Variants in DST observed in about 807,000 individuals in gnomAD.
DST encodes dystonin.
DST carries 253 observed loss-of-function variants against 875.2 expected under a neutral mutation model. The ratio of observed to expected loss-of-function variants is 0.29; its 90% confidence interval spans 0.26 to 0.32. DST has a LOEUF of 0.32. Ranked by LOEUF, DST falls within the 10% of genes least tolerant of loss-of-function variation. DST has a pLI of 1.00. For synonymous variants in DST, 3,124 were observed against 3,197.1 expected (o/e 0.98, Z 0.77); for missense variants, 8,287 against 9,111.6 (o/e 0.91, Z 3.68).
chr6:56,701,144 C>T (rs912128574), intron 8 of DST, among the ~76,000 whole-genome samples: 1 of 151,794 alleles, frequency 6.6e-6, no homozygotes, highest in African/African-American at 2.4e-5. Context: ...CACACCCAGC[C>T]TCTTCCTTTT....
intron 2 of DST, among the ~76,000 whole-genome samples, chr6:56,939,552 A>C (rs1488544157): frequency 6.6e-6 from 1 of 152,240 alleles, no homozygotes; most frequent in Non-Finnish European, 1.5e-5. Context: ...TAAATCGATA[A>C]GAAAAATTAC....
rs1035684871 is a variant in DST at position 56,552,635 on chromosome 6, T to C, written c.16157A>G (p.His5386Arg). The C allele has an allele frequency of 6.2e-7, 1 of 1,613,978 alleles. No individual in the cohort carries two copies. The highest frequency in any genetic ancestry group is 2.2e-5 in the East Asian group (1 of 44,884). ...CATTTCTCGAATGGTATTCTGGAAA[T>C]GCCCAATGCCCTGAAGCTTGGTTTC... is the stretch of plus-strand genomic sequence containing the variant. ...FLETKLQGIG[H>R]FQNTIREMFS... The change falls in exon 61 of 104, where the codon CAT becomes CGT. Residue 5386 changes from histidine to arginine, a missense_variant. Physicochemically the swap from His to Arg is conservative, Grantham distance 29. This residue lies in a region of DST where 1,513 missense variants were observed against 1,677.8 expected (regional missense o/e 0.90). Coordinates refer to ENST00000680361, the MANE Select transcript of DST (RefSeq NM_001374736.1).
chr6:56,851,827 C>T (rs535047263), intron 3 of DST: 1 of 1,551,680 alleles, frequency 6.4e-7, no homozygotes, highest in Non-Finnish European at 8.7e-7. Context: ...AAAAACAATA[C>T]ACAGGCAGTT....
intron 10 of DST, among the ~76,000 whole-genome samples, chr6:56,656,933 CA>C (rs758240158): frequency 5.9e-5 from 9 of 151,894 alleles, no homozygotes; most frequent in Non-Finnish European, 1.3e-4. Context: ...AGATTATTAC[CA>C]AAACAGAACT....
At chr6:56,732,259 C>A (rs1446638789) in intron 5 of DST, among the ~76,000 whole-genome samples, 2 of 151,946 alleles carry the variant, frequency 1.3e-5, no homozygotes, top group Non-Finnish European at 2.9e-5. Flanking sequence ...TGGTTAAAAG[C>A]AATTTGATCA....
intron 4 of DST, among the ~76,000 whole-genome samples, chr6:56,828,449 C>G (rs2153057206): frequency 6.6e-6 from 1 of 152,344 alleles, no homozygotes; most frequent in African/African-American, 2.4e-5. Flanking sequence ...CAGCATTCCT[C>G]TTATTGCATG....
intron 49 of DST, among the ~76,000 whole-genome samples, chr6:56,586,657 C>T (rs1585733777): frequency 6.6e-6 from 1 of 152,066 alleles, no homozygotes; most frequent in Non-Finnish European, 1.5e-5. Flanking sequence ...TGGGAGGCAC[C>T]CCCCAGTAGG....
intron 9 of DST, among the ~76,000 whole-genome samples, chr6:56,695,755 T>G (rs1156982315): frequency 6.6e-6 from 1 of 152,222 alleles, no homozygotes; most frequent in Non-Finnish European, 1.5e-5. Flanking sequence ...ATGATAATGC[T>G]TACCTTCAGA....
Position 56,796,102 on chromosome 6 carries a change from C to A in DST, c.625+55295G>T, listed in dbSNP as rs145741702. On this transcript the variant is annotated intron_variant, in intron 4 of 103. Transcript: ENST00000680361. ...AGGGATACGGGGCAACCATACAGAACGAAACAGAACAGCTCACAAGGTTCT... is the reference window on the plus strand; with the variant it reads ...AGGGATACGGGGCAACCATACAGAAAGAAACAGAACAGCTCACAAGGTTCT... Among the ~76,000 whole-genome samples, 31 of 152,202 alleles carry A rather than the reference C, an allele frequency of 2.0e-4. No homozygotes were observed. The South Asian group carries it at 6.2e-3, about 31-fold the overall frequency.
intron 4 of DST, among the ~76,000 whole-genome samples, chr6:56,777,503 G>C (rs2099681483): frequency 6.6e-6 from 1 of 152,016 alleles, no homozygotes. Context: ...CAGCATGATG[G>C]AACAGGCTAA....
At chr6:56,872,524 A>C (rs1415227766) in intron 3 of DST, among the ~76,000 whole-genome samples, 1 of 152,150 alleles carries the variant, frequency 6.6e-6, no homozygotes, top group Non-Finnish European at 1.5e-5. Flanking sequence ...TCCACCTCTA[A>C]GAAAACAAAT....
At chr6:56,908,098 T>TATATATATATATATATACACACAC (rs148958146) in intron 2 of DST, among the ~76,000 whole-genome samples, 13 of 150,614 alleles carry the variant, frequency 8.6e-5, no homozygotes, top group African/African-American at 3.2e-4. Flanking sequence ...TATATATATA[T>TATATATATATATATATACACACAC]ACACACACAC....
intron 2 of DST, among the ~76,000 whole-genome samples, chr6:56,927,948 AAGATCATG>A (rs1808061655): frequency 6.6e-6 from 1 of 152,148 alleles, no homozygotes; most frequent in African/African-American, 2.4e-5. Flanking sequence ...ATTAAGTTAC[AAGATCATG>A]GGAGCTCAAA....
intron 4 of DST, among the ~76,000 whole-genome samples, chr6:56,755,972 G>A (rs1210066213): frequency 2.0e-5 from 3 of 152,156 alleles, no homozygotes; most frequent in Admixed American, 6.5e-5. Flanking sequence ...GAAAAGACAC[G>A]CCACTTCCAG....
chr6:56,842,947 AC>A (rs986881081), intron 4 of DST: 276 of 1,074,974 alleles, frequency 2.6e-4, no homozygotes, highest in Non-Finnish European at 3.2e-4. Context: ...ACTGGTCCAG[AC>A]ACCTGTTTAC....
At chr6:56,476,416 T>A in intron 91 of DST, 79 bp from the exon 92 acceptor site, 1 of 1,264,294 alleles carries the variant, frequency 7.9e-7, no homozygotes, top group Non-Finnish European at 1.1e-6. Context: ...AAATAAATTT[T>A]AAATGAAAAT....
chr6:56,568,313 C>T (rs1055443594), intron 55 of DST, among the ~76,000 whole-genome samples, 156 bp downstream of exon 55: 4 of 152,134 alleles, frequency 2.6e-5, no homozygotes, highest in African/African-American at 9.7e-5. Flanking sequence ...AGATACATTC[C>T]CAGCACAGTG....
intron 94 of DST, 23 bp downstream of exon 94, chr6:56,472,036 G>C: frequency 2.5e-6 from 4 of 1,612,270 alleles, no homozygotes; most frequent in Non-Finnish European, 3.4e-6. Context: ...ACAATGTGGT[G>C]TTGAGGGTAT....
At chr6:56,722,765 G>A (rs527452620) in intron 5 of DST, among the ~76,000 whole-genome samples, 10 of 152,296 alleles carry the variant, frequency 6.6e-5, no homozygotes, top group South Asian at 2.1e-4. Context: ...AATAAAAAGC[G>A]GCTATAAAGG....
Sources: gnomAD v4.1 joint callset for allele counts (sites outside exome capture counted in the v4.1 genomes callset) on GRCh38, gnomAD v4.1.1 for gene constraint, gnomAD v4.1.1 regional missense constraint, MANE v1.5 for transcripts, NCBI Gene and HGNC (gene_info 2026-07-23, HGNC 2026-07-21) for gene names.